Variants in STPG2 observed in about 807,000 individuals in gnomAD.
STPG2 encodes sperm-tail PG-rich repeat-containing protein 2.
Under a neutral mutation model 54.2 loss-of-function variants are expected in STPG2, and 56 were observed. That is an observed-to-expected ratio of 1.03 (90% CI 0.83 to 1.29). STPG2 has a LOEUF of 1.29. Ranked by LOEUF, STPG2 falls within the 50% of genes most tolerant of loss-of-function variation. The pLI is 0.00. For missense variants in STPG2, 596 were observed against 544.9 expected (o/e 1.09, Z -0.93); for synonymous variants, 200 against 181.8 (o/e 1.10, Z -0.81).
chr4:97,620,618 A>T (rs967805961), intron 10 of STPG2, among the ~76,000 whole-genome samples: 10 of 152,200 alleles, frequency 6.6e-5, no homozygotes, highest in Admixed American at 2.6e-4. Flanking sequence ...ATATGCACCC[A>T]ACATAGGAGT....
intron 10 of STPG2, among the ~76,000 whole-genome samples, chr4:97,697,392 C>T (rs1723611597): frequency 6.6e-6 from 1 of 152,178 alleles, no homozygotes; most frequent in South Asian, 2.1e-4. Flanking sequence ...ATGCCAGGAA[C>T]TGGAGTGCTT....
chr4:98,097,087 A>G (rs974147001), intron 5 of STPG2, among the ~76,000 whole-genome samples: 1 of 152,200 alleles, frequency 6.6e-6, no homozygotes, highest in Non-Finnish European at 1.5e-5. Context: ...ATTCCAAAAA[A>G]TAGAAAAGAA....
At chr4:97,486,685 G>A (rs1730366738) in intron 4 of STPG2, among the ~76,000 whole-genome samples, 1 of 151,516 alleles carries the variant, frequency 6.6e-6, no homozygotes, top group South Asian at 2.1e-4. Flanking sequence ...CTGAAGAAAG[G>A]AAGTCATTAC....
At chr4:98,075,982 C>T (rs565540258) in intron 5 of STPG2, among the ~76,000 whole-genome samples, 82 of 152,260 alleles carry the variant, frequency 5.4e-4, no homozygotes, top group African/African-American at 1.9e-3. Context: ...CAGTGGCTCA[C>T]GCCTGTAATC....
chr4:97,625,807 A>T (rs1260730551), intron 10 of STPG2, among the ~76,000 whole-genome samples: 1 of 152,158 alleles, frequency 6.6e-6, no homozygotes, highest in East Asian at 1.9e-4. Context: ...AGTGATAACC[A>T]CTGTGATTCC....
intron 10 of STPG2, among the ~76,000 whole-genome samples, chr4:97,686,495 T>A (rs1459329241): frequency 6.6e-6 from 1 of 152,124 alleles, no homozygotes; most frequent in Non-Finnish European, 1.5e-5. Flanking sequence ...GGCTGTTCAC[T>A]TCCTCAGAGA....
chr4:97,842,873 T>C (rs1169941895), intron 8 of STPG2, among the ~76,000 whole-genome samples: 25 of 151,904 alleles, frequency 1.6e-4, no homozygotes, highest in Non-Finnish European at 2.9e-5. Flanking sequence ...ACTTTACTGA[T>C]GTTCCCTCCT....
At chr4:97,733,856 T>A (rs533136951) in intron 9 of STPG2, among the ~76,000 whole-genome samples, 1 of 152,334 alleles carries the variant, frequency 6.6e-6, no homozygotes, top group African/African-American at 2.4e-5. Flanking sequence ...GACGGTTTAC[T>A]CGATATTTTG....
intron 5 of STPG2, among the ~76,000 whole-genome samples, chr4:97,982,667 T>C (rs917632486): frequency 6.6e-6 from 1 of 152,212 alleles, no homozygotes; most frequent in African/African-American, 2.4e-5. Flanking sequence ...TTAGTCATCA[T>C]GTCTCTTTTA....
chr4:97,926,640 T>C (rs1732341661), intron 8 of STPG2, among the ~76,000 whole-genome samples: 1 of 152,186 alleles, frequency 6.6e-6, no homozygotes, highest in Non-Finnish European at 1.5e-5. Flanking sequence ...ATAGAAATTC[T>C]AATCCTCTGC....
At chr4:97,861,815 C>T (rs375211867) in intron 8 of STPG2, among the ~76,000 whole-genome samples, 1 of 152,002 alleles carries the variant, frequency 6.6e-6, no homozygotes, top group African/African-American at 2.4e-5. Flanking sequence ...TCATATCCAG[C>T]CAAACTAAGT....
At chr4:97,797,678 G>A (rs1389543470) in intron 9 of STPG2, among the ~76,000 whole-genome samples, 4 of 152,082 alleles carry the variant, frequency 2.6e-5, no homozygotes, top group Non-Finnish European at 1.5e-5. Flanking sequence ...TCCAGGCTTT[G>A]GTATCAGGAT....
chr4:97,712,332 AG>A (rs1560498505), intron 10 of STPG2, among the ~76,000 whole-genome samples: 2 of 152,150 alleles, frequency 1.3e-5, no homozygotes, highest in East Asian at 3.9e-4. Flanking sequence ...TTTGATCCAC[AG>A]GGCTTTCTTG....
rs548978039 is a variant in STPG2 at position 97,504,548 on chromosome 4, T to C, written c.462+208151A>G. Among the ~76,000 whole-genome samples the C allele has an allele frequency of 2.0e-5, 3 of 152,092 alleles. No individual in the cohort carries two copies. In the East Asian group the frequency reaches 5.8e-4, roughly 29 times the overall value. On this transcript the variant is annotated intron_variant, in intron 4 of 4. Coordinates refer to the STPG2 transcript ENST00000522676. The stretch of plus-strand genomic sequence containing the variant: ...TGTAGTTTTTAAATTCTAAGCTATG[T>C]TCCATATAACCAATTATTATATTCA...
intron 9 of STPG2, among the ~76,000 whole-genome samples, chr4:97,760,674 A>G (rs1302206827): frequency 1.3e-5 from 2 of 152,198 alleles, no homozygotes; most frequent in Non-Finnish European, 2.9e-5. Context: ...ACTGTAACTC[A>G]AATCCTTACT....
chr4:97,621,176 A>G (rs1007955807), intron 10 of STPG2, among the ~76,000 whole-genome samples: 1 of 152,186 alleles, frequency 6.6e-6, no homozygotes, highest in Non-Finnish European at 1.5e-5. Flanking sequence ...CTGAATTCCC[A>G]CATCAAAAAG....
chr4:97,833,437 T>C (rs577460245), intron 9 of STPG2, among the ~76,000 whole-genome samples: 1 of 152,210 alleles, frequency 6.6e-6, no homozygotes, highest in African/African-American at 2.4e-5. Flanking sequence ...ATTCAGGACA[T>C]AGGCATGGGG....
intron 10 of STPG2, among the ~76,000 whole-genome samples, chr4:97,567,861 G>C (rs1328985984): frequency 6.6e-6 from 1 of 152,096 alleles, no homozygotes; most frequent in Non-Finnish European, 1.5e-5. Flanking sequence ...AGAATATATA[G>C]ATATGTGCAT....
At chr4:97,699,865 C>G (rs993340824) in intron 10 of STPG2, among the ~76,000 whole-genome samples, 1 of 152,202 alleles carries the variant, frequency 6.6e-6, no homozygotes, top group Non-Finnish European at 1.5e-5. Flanking sequence ...TGAGCACTTC[C>G]TCATGTAACT....
Sources: gnomAD v4.1 joint callset for allele counts (sites outside exome capture counted in the v4.1 genomes callset) on GRCh38, gnomAD v4.1.1 for gene constraint, MANE v1.5 for transcripts, NCBI Gene and HGNC (gene_info 2026-07-23, HGNC 2026-07-21) for gene names.